The following GRM5 variants were observed in gnomAD, a reference collection of about 807,000 sequenced individuals.
GRM5 encodes the protein glutamate metabotropic receptor 5, also known as metabotropic glutamate receptor 5.
GRM5 carries 19 observed loss-of-function variants against 83.1 expected under a neutral mutation model. That is an observed-to-expected ratio of 0.23 (90% CI 0.16 to 0.34). The LOEUF (loss-of-function observed/expected upper bound fraction) is 0.34, where lower values mean the gene tolerates loss of function less well. Ranked by LOEUF, GRM5 falls within the 10% of genes least tolerant of loss-of-function variation. The pLI is 1.00. For synonymous variants in GRM5, 675 were observed against 633.6 expected, an observed-to-expected ratio of 1.07 and a Z score of -0.98; for missense variants, 1,160 against 1,588.3, an observed-to-expected ratio of 0.73 and a Z score of 4.58.
At chr11:89,005,879 C>T (rs1209805347) in intron 2 of GRM5, among the ~76,000 whole-genome samples, 1 of 152,074 alleles carries the variant, frequency 6.6e-6, no homozygotes, top group Non-Finnish European at 1.5e-5. Flanking sequence ...GGTATTGGAA[C>T]TATACAAATA....
At chr11:88,670,195 T>A (rs929791317) in intron 3 of GRM5, among the ~76,000 whole-genome samples, 2 of 151,840 alleles carry the variant, frequency 1.3e-5, no homozygotes, top group African/African-American at 4.8e-5. Flanking sequence ...TATGTCTTTA[T>A]GAAAAAAGAG....
intron 3 of GRM5, among the ~76,000 whole-genome samples, chr11:88,775,127 T>C (rs1232750541): frequency 6.6e-6 from 1 of 152,212 alleles, no homozygotes; most frequent in Non-Finnish European, 1.5e-5. Context: ...AGCCTGTTAT[T>C]GGTCTATTCA....
At chr11:88,634,034 G>C (rs1198875701) in intron 4 of GRM5, among the ~76,000 whole-genome samples, 1 of 152,078 alleles carries the variant, frequency 6.6e-6, no homozygotes, top group African/African-American at 2.4e-5. Context: ...AATACTGTGG[G>C]CAATTATACA....
intron 2 of GRM5, among the ~76,000 whole-genome samples, chr11:89,021,340 A>G (rs972151795): frequency 6.6e-6 from 1 of 152,164 alleles, no homozygotes; most frequent in Non-Finnish European, 1.5e-5. Context: ...AAATCAGCCC[A>G]CAGCCAAGGT....
rs543974565 is a variant in GRM5, at chr11:88,882,733, T to C, written c.662-32578A>G. ...GATCAAACAGCTGATGTTATGTTTA[T>C]TATTATTATTAATTATTTGTATTTC... is the stretch of plus-strand genomic sequence containing the variant. On this transcript the variant is annotated intron_variant, in intron 2 of 9. Coordinates refer to ENST00000305447, the MANE Select transcript of GRM5 (RefSeq NM_001143831.3). Among the ~76,000 whole-genome samples, 3 of 152,170 alleles carry C rather than the reference T, an allele frequency of 2.0e-5. No homozygotes were observed. The South Asian group carries it at 6.2e-4, about 32-fold the overall frequency.
At chr11:88,928,438 T>C (rs907658476) in intron 2 of GRM5, among the ~76,000 whole-genome samples, 1 of 145,660 alleles carries the variant, frequency 6.9e-6, no homozygotes, top group East Asian at 2.0e-4. Flanking sequence ...GGATTGACAA[T>C]CTATCATATG....
chr11:88,836,411 A>G (rs187022774), intron 3 of GRM5, among the ~76,000 whole-genome samples: 10 of 152,332 alleles, frequency 6.6e-5, no homozygotes, highest in African/African-American at 2.4e-4. Flanking sequence ...AGAAATATAC[A>G]TATGTATATA....
intron 3 of GRM5, among the ~76,000 whole-genome samples, chr11:88,775,925 G>A (rs1269528596): frequency 6.6e-6 from 1 of 152,156 alleles, no homozygotes; most frequent in Non-Finnish European, 1.5e-5. Context: ...AGTTGATTTC[G>A]GGTAGAGAGT....
At chr11:88,772,677 C>T (rs1433174407) in intron 3 of GRM5, among the ~76,000 whole-genome samples, 1 of 152,072 alleles carries the variant, frequency 6.6e-6, no homozygotes, top group Non-Finnish European at 1.5e-5. Flanking sequence ...TCAATTCCCA[C>T]CTATGAGTGA....
chr11:88,953,257 GCATT>G (rs1201043791), intron 2 of GRM5, among the ~76,000 whole-genome samples: 28 of 152,036 alleles, frequency 1.8e-4, no homozygotes, highest in Admixed American at 1.6e-3. Flanking sequence ...AAAAATTCAT[GCATT>G]CATTGTAGTG....
chr11:88,552,240 T>C (rs308788), intron 8 of GRM5, among the ~76,000 whole-genome samples: 36,623 of 151,916 alleles, frequency 0.24, 7,451 homozygotes, highest in African/African-American at 0.56. Context: ...TCATCCAGGC[T>C]GGTCTTGAAC....
In GRM5 at chr11:88,888,903, A is replaced by G. The variant is rs147252817; in HGVS notation, c.662-38748T>C. Among the ~76,000 whole-genome samples the G allele has an allele frequency of 5.3e-4, 81 of 152,284 alleles. No individual in the cohort carries two copies. In the East Asian group the frequency reaches 0.014, roughly 27 times the overall value. On this transcript the variant is annotated intron_variant, in intron 2 of 9. Transcript: ENST00000305447. ...AAAATGATCAGTAACAAACTTGGCT[A>G]AAGGCCTCCATCTTGCTTCTTGTCC...
intron 7 of GRM5, among the ~76,000 whole-genome samples, chr11:88,574,472 A>T (rs1943064233): frequency 6.6e-6 from 1 of 152,132 alleles, no homozygotes; most frequent in South Asian, 2.1e-4. Flanking sequence ...GTTTCATATT[A>T]GAAATATTCC....
chr11:88,509,092 C>G lies in GRM5; in HGVS notation c.3139G>C (p.Val1047Leu). The G allele has an allele frequency of 1.3e-6, 2 of 1,549,512 alleles. No individual in the cohort carries two copies. The highest frequency in any genetic ancestry group is 1.7e-6 in the Non-Finnish European group (2 of 1,147,060). ...DDVPSLHSEP[V>L]ARSSSSQGSL... ...CCCTGCGAGGAGCTGCTGCGCGCCA[C>G]AGGCTCCGAGTGCAGCGACGGCACA... The change falls in exon 10 of 10, where the codon GTG (valine) becomes CTG (leucine). Residue 1047 changes from valine to leucine, a missense_variant. By Grantham distance (32) the Val-to-Leu change is conservative. Coordinates refer to ENST00000305447, the MANE Select transcript of GRM5 (RefSeq NM_001143831.3).
At chr11:88,637,451 T>A (rs994673140) in intron 4 of GRM5, among the ~76,000 whole-genome samples, 21 of 151,970 alleles carry the variant, frequency 1.4e-4, no homozygotes, top group African/African-American at 4.1e-4. Context: ...CTCAAACAAA[T>A]TTACAAGGAA....
chr11:88,744,696 A>G (rs1469456938), intron 3 of GRM5, among the ~76,000 whole-genome samples: 1 of 152,180 alleles, frequency 6.6e-6, no homozygotes, highest in African/African-American at 2.4e-5. Flanking sequence ...AAAGAAAATA[A>G]AGGTGGCTCA....
intron 3 of GRM5, among the ~76,000 whole-genome samples, chr11:88,828,759 A>G (rs12286954): frequency 0.025 from 3,876 of 152,146 alleles, 172 homozygotes; most frequent in African/African-American, 0.089. Flanking sequence ...ACTTCTGGAG[A>G]AAACTACAAA....
chr11:88,833,279 C>T (rs1161004529), intron 3 of GRM5, among the ~76,000 whole-genome samples: 1 of 151,682 alleles, frequency 6.6e-6, no homozygotes, highest in Non-Finnish European at 1.5e-5. Context: ...AAACTAACTC[C>T]CGCTGCCCCC....
chr11:88,680,797 T>C (rs975291946), intron 3 of GRM5, among the ~76,000 whole-genome samples: 2 of 152,178 alleles, frequency 1.3e-5, no homozygotes, highest in Admixed American at 1.3e-4. Flanking sequence ...ATCACCCTTA[T>C]TGTTTTCCTT....
Sources: allele counts gnomAD v4.1 joint callset (sites outside exome capture counted in the v4.1 genomes callset), GRCh38; gene constraint gnomAD v4.1.1; transcripts MANE v1.5; gene names NCBI Gene and HGNC (gene_info 2026-07-23, HGNC 2026-07-21).